The following ARID4B variants were observed in gnomAD, a reference collection of about 807,000 sequenced individuals.
ARID4B encodes AT-rich interaction domain 4B.
In ARID4B, 26 loss-of-function variants were observed where a neutral mutation model predicts 147.5. The observed-to-expected ratio is 0.18, with a 90% CI of 0.13 to 0.24. The LOEUF is 0.24. Ranked by LOEUF, ARID4B falls within the 10% of genes least tolerant of loss-of-function variation. The pLI is 1.00. For missense variants in ARID4B, 1,179 were observed against 1,511.5 expected, an observed-to-expected ratio of 0.78 and a Z score of 3.65; for synonymous variants, 512 against 507.9, an observed-to-expected ratio of 1.01 and a Z score of -0.11.
At chr1:235,223,141 G>T in intron 13 of ARID4B, 25 bp downstream of exon 13, 4 of 1,427,802 alleles carry the variant, frequency 2.8e-6, no homozygotes, top group Non-Finnish European at 3.9e-6. Flanking sequence ...TGAAAAAGAT[G>T]TTTCAGTTTG....
chr1:235,212,109 A>G (rs1016575573), intron 17 of ARID4B, among the ~76,000 whole-genome samples: 2 of 152,030 alleles, frequency 1.3e-5, no homozygotes, highest in Admixed American at 1.3e-4. Flanking sequence ...GCCAGGCACA[A>G]TGGTGGGCGC....
intron 17 of ARID4B, among the ~76,000 whole-genome samples, chr1:235,203,280 A>G (rs181094215): frequency 4.6e-5 from 7 of 152,340 alleles, no homozygotes; most frequent in Admixed American, 1.3e-4. Flanking sequence ...TAAAAATGGA[A>G]AAGAACATTA....
chr1:235,272,677 C>A (rs1558266776), intron 2 of ARID4B, among the ~76,000 whole-genome samples: 1 of 151,678 alleles, frequency 6.6e-6, no homozygotes, highest in Non-Finnish European at 1.5e-5. Flanking sequence ...ACTAATAAAA[C>A]ATATGTTCAC....
intron 2 of ARID4B, among the ~76,000 whole-genome samples, chr1:235,319,850 C>T (rs537063883): frequency 6.6e-6 from 1 of 151,860 alleles, no homozygotes; most frequent in Non-Finnish European, 1.5e-5. Flanking sequence ...AAAAAAAGGC[C>T]GGGCGAGGTG....
Position 235,219,941 on chromosome 1 carries a change from T to C in ARID4B, c.1435A>G (p.Ile479Val), listed in dbSNP as rs757722392. 3 of 1,551,962 alleles carry C rather than the reference T, an allele frequency of 1.9e-6. No individual in the cohort carries two copies. Among genetic ancestry groups the C allele is most frequent in the South Asian group, 1.2e-5 (1 of 82,582 alleles). Residue 479 changes from isoleucine to valine, a missense_variant, in exon 16 of 24, where the codon ATA (isoleucine) becomes GTA (valine). This residue lies in a region of ARID4B where 204 missense variants were observed against 210.9 expected (regional missense o/e 0.97). Coordinates refer to ENST00000264183, the MANE Select transcript of ARID4B (RefSeq NM_016374.6). Reference protein sequence around the residue: ...LGSKKNLLESIPTHSDQEKEV... With the variant: ...LGSKKNLLESVPTHSDQEKEV... ...TTTTCCTGATCAGAATGTGTAGGTATAGATTCTAATAAATTCTTTTTACTT... is the reference window on the plus strand; with the variant it reads ...TTTTCCTGATCAGAATGTGTAGGTACAGATTCTAATAAATTCTTTTTACTT...
intron 8 of ARID4B, among the ~76,000 whole-genome samples, chr1:235,236,862 A>ATATATATTT (rs1426582533): frequency 2.9e-4 from 5 of 17,492 alleles, no homozygotes; most frequent in Non-Finnish European, 4.7e-4. Flanking sequence ...ATATATATAT[A>ATATATATTT]TTTTTTTTTT....
intron 23 of ARID4B, among the ~76,000 whole-genome samples, chr1:235,171,370 T>C (rs1029405802): frequency 1.3e-5 from 2 of 151,572 alleles, no homozygotes; most frequent in African/African-American, 4.8e-5. Flanking sequence ...GAGGCGGAGG[T>C]TGTAGTGAGC....
At chr1:235,183,565 C>A (rs1664469326) in intron 19 of ARID4B, among the ~76,000 whole-genome samples, 1 of 152,068 alleles carries the variant, frequency 6.6e-6, no homozygotes, top group African/African-American at 2.4e-5. Flanking sequence ...CAGAGACGGT[C>A]TCACTCTCTC....
At chr1:235,280,389 G>T (rs1003189090) in intron 2 of ARID4B, among the ~76,000 whole-genome samples, 1 of 152,214 alleles carries the variant, frequency 6.6e-6, no homozygotes, top group African/African-American at 2.4e-5. Context: ...AATACATACT[G>T]GGCAGGCTCT....
chr1:235,320,380 C>T (rs1341889571), intron 2 of ARID4B, among the ~76,000 whole-genome samples: 1 of 152,038 alleles, frequency 6.6e-6, no homozygotes, highest in African/African-American at 2.4e-5. Flanking sequence ...TCCCTTCACA[C>T]CCAATCCATT....
intron 16 of ARID4B, among the ~76,000 whole-genome samples, chr1:235,217,436 T>G (rs1667167334): frequency 6.8e-6 from 1 of 147,000 alleles, no homozygotes; most frequent in Non-Finnish European, 1.5e-5. Context: ...ATACATACAC[T>G]CACATACATA....
chr1:235,326,128 A>C (rs2103322404), intron 2 of ARID4B, among the ~76,000 whole-genome samples: 1 of 152,238 alleles, frequency 6.6e-6, no homozygotes, highest in East Asian at 1.9e-4. Flanking sequence ...CAAAAATCTA[A>C]GGTTTTATTC....
In ARID4B at chr1:235,195,138, A is replaced by T. The variant is rs1313171475; in HGVS notation, c.1926+893T>A. Among the ~76,000 whole-genome samples, 4 of 152,324 alleles carry T rather than the reference A, an allele frequency of 2.6e-5. No homozygotes were observed. In the South Asian group the frequency reaches 8.3e-4, roughly 32 times the overall value. On this transcript the variant is annotated intron_variant, in intron 18 of 23. Transcript: ENST00000264183. The stretch of plus-strand genomic sequence containing the variant: ...ATTTTGAGTGAGAGTAATTCTCCTA[A>T]GGATGGTACATATCTAGTATCATTC...
intron 2 of ARID4B, among the ~76,000 whole-genome samples, chr1:235,271,766 T>C (rs965602638): frequency 2.0e-5 from 3 of 151,892 alleles, no homozygotes; most frequent in African/African-American, 4.8e-5. Context: ...CTGACCAACA[T>C]AGTGAAACCC....
At chr1:235,170,040 G>C (rs1663233051) in intron 23 of ARID4B, among the ~76,000 whole-genome samples, 1 of 152,062 alleles carries the variant, frequency 6.6e-6, no homozygotes, top group Admixed American at 6.6e-5. Flanking sequence ...CAGTACAGGG[G>C]TAATAGGATA....
chr1:235,211,729 C>T (rs1466668553), intron 17 of ARID4B, among the ~76,000 whole-genome samples: 1 of 152,118 alleles, frequency 6.6e-6, no homozygotes. Context: ...AACACCACAC[C>T]CAGCTTTTTT....
intron 3 of ARID4B, among the ~76,000 whole-genome samples, chr1:235,259,642 T>C (rs1352279846): frequency 6.6e-6 from 1 of 152,154 alleles, no homozygotes; most frequent in Non-Finnish European, 1.5e-5. Flanking sequence ...AAACTGAAGG[T>C]AGGGTGGGGC....
chr1:235,176,125 T>C (rs2102907098), intron 21 of ARID4B, among the ~76,000 whole-genome samples: 1 of 152,234 alleles, frequency 6.6e-6, no homozygotes, highest in East Asian at 1.9e-4. Context: ...TACAAAGTAT[T>C]AGTTTAGATT....
Position 235,224,695 on chromosome 1 carries a change from A to T in ARID4B, c.970+8T>A. On this transcript the variant is annotated splice_region_variant and intron_variant, in intron 12 of 23. Coordinates refer to ENST00000264183, the MANE Select transcript of ARID4B (RefSeq NM_016374.6). ...TTACCACGTTAATGATAAATAAAAA[A>T]TACTCACCTCTATCTTCCATAAATT... 6.5e-7 allele frequency: 1 copy of T among 1,543,602 alleles called. No individual in the cohort carries two copies. Among genetic ancestry groups the T allele is most frequent in the Non-Finnish European group, 8.9e-7 (1 of 1,122,548 alleles).
Sources: allele counts gnomAD v4.1 joint callset (sites outside exome capture counted in the v4.1 genomes callset), GRCh38; gene constraint gnomAD v4.1.1; regional missense constraint gnomAD v4.1.1; transcripts MANE v1.5; gene names NCBI Gene and HGNC (gene_info 2026-07-23, HGNC 2026-07-21).